Variants in IKBKB observed in about 807,000 individuals in gnomAD.
IKBKB encodes inhibitor of nuclear factor kappa-B kinase subunit beta.
In IKBKB, 42 loss-of-function variants were observed where a neutral mutation model predicts 113.6. The observed-to-expected ratio is 0.37, with a 90% CI of 0.29 to 0.48. IKBKB has a LOEUF of 0.48. IKBKB is among the 20% of genes least tolerant of loss of function. IKBKB has a pLI of 0.99. For synonymous variants in IKBKB, 296 were observed against 361.3 expected (o/e 0.82, Z 2.05); for missense variants, 673 against 939.7 (o/e 0.72, Z 3.71).
At chr8:42,326,793 T>C (rs1461574908) in intron 20 of IKBKB, among the ~76,000 whole-genome samples, 4 of 152,192 alleles carry the variant, frequency 2.6e-5, no homozygotes, top group Non-Finnish European at 5.9e-5. Flanking sequence ...CAGCAGTCTG[T>C]GTCTAGCAGC....
chr8:42,293,033 G>A (rs1368673255), intron 4 of IKBKB, among the ~76,000 whole-genome samples: 2 of 152,200 alleles, frequency 1.3e-5, no homozygotes, highest in Non-Finnish European at 2.9e-5. Context: ...CACATGGCTA[G>A]GAGATGGCAG....
chr8:42,305,239 G>A lies in IKBKB; in HGVS notation c.441G>A (p.Lys147=). The part of the protein sequence containing the change: ...HENRIIHRDL[K]PENIVLQQGE... ...ACAGAATCATCCATCGGGATCTAAA[G>A]CCAGAAAACATCGTCCTGCAGCAAG... Residue 147 remains lysine, a synonymous_variant, in exon 6 of 22, where the codon AAG becomes AAA. Transcript: ENST00000520810. The A allele has an allele frequency of 1.2e-6, 2 of 1,613,896 alleles. No homozygotes were observed. The highest frequency in any genetic ancestry group is 8.5e-7 in the Non-Finnish European group (1 of 1,179,828).
chr8:42,309,143 C>T (rs1817180705), intron 8 of IKBKB, 118 bp downstream of exon 8: 4 of 1,201,980 alleles, frequency 3.3e-6, no homozygotes, highest in Non-Finnish European at 4.7e-6. Flanking sequence ...TGTTTCTCTT[C>T]CGAGAGGAAG....
At position 42,293,473 on chromosome 8, in the gene IKBKB, C is replaced by T. The variant is rs202223251; in HGVS notation, c.349C>T (p.Leu117=). ...YLNQFENCCG[L]REGAILTLLS... The stretch of plus-strand genomic sequence containing the variant: ...GAACCAGTTTGAGAACTGCTGTGGT[C>T]TGCGGGAAGGTGCCATCCTCACCTT... The change falls in exon 5 of 22, where the codon CTG becomes TTG. Residue 117 remains leucine (L), a synonymous_variant. Coordinates refer to ENST00000520810, the MANE Select transcript of IKBKB (RefSeq NM_001556.3). The T allele has an allele frequency of 1.9e-5, 31 of 1,614,058 alleles. No homozygotes were observed. The highest frequency in any genetic ancestry group is 3.3e-4 in the Middle Eastern group (2 of 6,082).
intron 4 of IKBKB, among the ~76,000 whole-genome samples, chr8:42,292,246 A>T (rs1812791976): frequency 1.3e-5 from 2 of 152,166 alleles, no homozygotes; most frequent in South Asian, 4.1e-4. Context: ...AGTAGGTGGG[A>T]TGTGGCCAGA....
chr8:42,290,767 C>T (rs935093744), intron 4 of IKBKB, among the ~76,000 whole-genome samples: 4 of 152,114 alleles, frequency 2.6e-5, no homozygotes, highest in South Asian at 2.1e-4. Context: ...GCTGCAGACC[C>T]GCCCCAATCC....
Position 42,280,725 on chromosome 8 carries a change from G to A in IKBKB, c.106-7909G>A, listed in dbSNP as rs548452478. Among the ~76,000 whole-genome samples, 5 of 152,308 alleles carry A rather than the reference G, an allele frequency of 3.3e-5. No individual in the cohort carries two copies. In the East Asian group the frequency reaches 5.8e-4, roughly 18 times the overall value. On this transcript the variant is annotated intron_variant, in intron 2 of 21. Coordinates refer to ENST00000520810, the MANE Select transcript of IKBKB (RefSeq NM_001556.3). ...TTGGCTGTGAGGAGGGCCAGGAAGC[G>A]CTGCCTGGGGCCCTGCGGGATGCTC...
Position 42,320,765 on chromosome 8 carries a change from A to T in IKBKB, c.1609A>T (p.Met537Leu). ...CGAAGTGAAACTCCTGGTAGAACGG[A>T]TGATGGCTCTGCAGACCGACATTGT... ...ENEVKLLVER[M>L]MALQTDIVDL... The change falls in exon 16 of 22, where the codon ATG (methionine) becomes TTG (leucine). Residue 537 changes from methionine to leucine, a missense_variant. Met to Leu is a conservative substitution (Grantham distance 15). This residue lies in a region of IKBKB where 506 missense variants were observed against 638.7 expected (regional missense o/e 0.79). Coordinates refer to ENST00000520810, the MANE Select transcript of IKBKB (RefSeq NM_001556.3). The T allele has an allele frequency of 6.2e-7, 1 of 1,612,732 alleles. No individual in the cohort carries two copies. Among genetic ancestry groups the T allele is most frequent in the South Asian group, 1.1e-5 (1 of 90,978 alleles).
intron 2 of IKBKB, among the ~76,000 whole-genome samples, chr8:42,288,023 A>G (rs1158554739): frequency 6.6e-6 from 1 of 152,116 alleles, no homozygotes; most frequent in Non-Finnish European, 1.5e-5. Flanking sequence ...AATGGTCAGT[A>G]GAGGTTTCAT....
chr8:42,273,183 G>A (rs934083517), intron 2 of IKBKB, among the ~76,000 whole-genome samples: 2 of 151,974 alleles, frequency 1.3e-5, no homozygotes, highest in African/African-American at 2.4e-5. Flanking sequence ...TTGGGAGGCC[G>A]AGGCAGGAGG....
chr8:42,303,471 C>T (rs1020920428), intron 5 of IKBKB, among the ~76,000 whole-genome samples: 3 of 152,062 alleles, frequency 2.0e-5, no homozygotes, highest in Non-Finnish European at 4.4e-5. Context: ...TGTGCTTTCT[C>T]ACCACTTGAC....
intron 4 of IKBKB, among the ~76,000 whole-genome samples, chr8:42,292,031 A>G (rs1812756394): frequency 6.6e-6 from 1 of 152,194 alleles, no homozygotes; most frequent in Non-Finnish European, 1.5e-5. Context: ...CTCCCTGGAG[A>G]TAGGCATGTC....
At chr8:42,271,949 T>G in intron 1 of IKBKB, 134 bp from the exon 2 acceptor site, 1 of 1,002,042 alleles carries the variant, frequency 1.0e-6, no homozygotes, top group Non-Finnish European at 1.4e-6. Flanking sequence ...TTGGTTTCTT[T>G]ACAAAATAAA....
intron 2 of IKBKB, among the ~76,000 whole-genome samples, chr8:42,288,312 G>A (rs942992805): frequency 3.3e-5 from 5 of 152,024 alleles, no homozygotes; most frequent in Admixed American, 1.3e-4. Context: ...ACTTGAACAC[G>A]GGAGGTGGAG....
intron 11 of IKBKB, 179 bp downstream of exon 11, chr8:42,317,083 CA>C (rs951628036): frequency 3.1e-5 from 21 of 682,244 alleles, no homozygotes; most frequent in African/African-American, 2.3e-4. Flanking sequence ...ATAGGAAACA[CA>C]AATCTCCTTG....
At chr8:42,329,915 AG>A in intron 21 of IKBKB, 1 of 985,428 alleles carries the variant, frequency 1.0e-6, no homozygotes, top group South Asian at 4.7e-5. Flanking sequence ...CCTAACTTTA[AG>A]CTTTTGGAAG....
At chr8:42,309,130 T>C in intron 8 of IKBKB, 105 bp downstream of exon 8, 1 of 1,298,454 alleles carries the variant, frequency 7.7e-7, no homozygotes, top group Non-Finnish European at 1.1e-6. Flanking sequence ...GGGAGATCTG[T>C]GTTGTTTCTC....
At chr8:42,299,895 G>A (rs942750805) in intron 5 of IKBKB, among the ~76,000 whole-genome samples, 9 of 152,234 alleles carry the variant, frequency 5.9e-5, no homozygotes, top group African/African-American at 1.4e-4. Flanking sequence ...TTTGACGCTT[G>A]GCATTGCCAT....
chr8:42,316,353 C>T lies in IKBKB; in HGVS notation c.930+14C>T, dbSNP rs1818682422. ...TTAAACTTAAAGGTGAGTGTGGAGC[C>T]AAGTTAGCCCTGAGGCAAAAGCTGG... On this transcript the variant is annotated intron_variant, in intron 10 of 21. Coordinates refer to ENST00000520810, the MANE Select transcript of IKBKB (RefSeq NM_001556.3). The surrounding 1 kb of genome is among the most constrained non-coding windows in gnomAD (Gnocchi z 4.5). 4 of 1,613,842 alleles carry T rather than the reference C, an allele frequency of 2.5e-6. No individual in the cohort carries two copies. In the African/African-American group the frequency reaches 5.3e-5, roughly 22 times the overall value.
Sources: gnomAD v4.1 joint callset for allele counts (sites outside exome capture counted in the v4.1 genomes callset) on GRCh38, gnomAD v4.1.1 for gene constraint, gnomAD v4.1.1 regional missense constraint, Gnocchi (gnomAD v3.1) non-coding constraint, MANE v1.5 for transcripts, NCBI Gene and HGNC (gene_info 2026-07-23, HGNC 2026-07-21) for gene names.